DNAJC3: variants seen among roughly 807,000 people sequenced by gnomAD.
The protein encoded by DNAJC3 is DnaJ heat shock protein family (Hsp40) member C3.
In DNAJC3, 38 loss-of-function variants were observed where a neutral mutation model predicts 68.6. The ratio of observed to expected loss-of-function variants is 0.55; its 90% CI spans 0.43 to 0.73. The LOEUF is 0.73. Among genes scored for constraint, DNAJC3 ranks in the 30% least tolerant of loss-of-function variants. The probability of loss-of-function intolerance (pLI) is 0.00; values close to 1 mark genes in which losing one functional copy is unlikely to be tolerated. For missense variants in DNAJC3, 526 were observed against 591.9 expected, an observed-to-expected ratio of 0.89 and a Z score of 1.16; for synonymous variants, 203 against 204.0, an observed-to-expected ratio of 1.00 and a Z score of 0.04.
chr13:95,680,974 A>G (rs1879894949), intron 1 of DNAJC3, among the ~76,000 whole-genome samples: 1 of 152,226 alleles, frequency 6.6e-6, no homozygotes, highest in African/African-American at 2.4e-5. Flanking sequence ...TGGAATATGG[A>G]GAAGACTCAT....
At chr13:95,738,635 A>T (rs56804437) in intron 4 of DNAJC3, among the ~76,000 whole-genome samples, 13,691 of 152,108 alleles carry the variant, frequency 0.09, 903 homozygotes, top group African/African-American at 0.19. Context: ...ATCAGAGACA[A>T]GGATTGCAAC....
chr13:95,780,931 A>C (rs1214910460), intron 9 of DNAJC3, among the ~76,000 whole-genome samples: 1 of 152,092 alleles, frequency 6.6e-6, no homozygotes, highest in Non-Finnish European at 1.5e-5. Flanking sequence ...CTTGCTAATG[A>C]ATTGGTAGGG....
Position 95,787,122 on chromosome 13 carries a change from A to G in DNAJC3, c.1324A>G (p.Ile442Val), listed in dbSNP as rs1883625265. 1.2e-6 allele frequency: 2 copies of G among 1,613,328 alleles called. No individual in the cohort carries two copies. Among genetic ancestry groups the G allele is most frequent in the Non-Finnish European group, 1.7e-6 (2 of 1,179,866 alleles). ...AAAAGCTGAGAAAAAGTTCATTGAT[A>G]TAGCAGCTGCTAAAGAAGTCCTCTC... is the stretch of plus-strand genomic sequence containing the variant. ...KKKAEKKFID[I>V]AAAKEVLSDP... Residue 442 changes from isoleucine (I) to valine (V), a missense_variant, in exon 11 of 12, where the codon ATA (isoleucine) becomes GTA (valine). Physicochemically the swap from Ile to Val is conservative, Grantham distance 29. Coordinates refer to ENST00000602402, the MANE Select transcript of DNAJC3 (RefSeq NM_006260.5).
intron 1 of DNAJC3, among the ~76,000 whole-genome samples, chr13:95,682,725 T>C (rs1189962186): frequency 6.6e-6 from 1 of 152,196 alleles, no homozygotes; most frequent in Non-Finnish European, 1.5e-5. Context: ...GAATAAAAAT[T>C]ACCTGTGGCT....
At chr13:95,737,754 T>G (rs1881976165) in intron 4 of DNAJC3, among the ~76,000 whole-genome samples, 1 of 148,760 alleles carries the variant, frequency 6.7e-6, no homozygotes, top group African/African-American at 2.5e-5. Flanking sequence ...TCAATTTTGT[T>G]GATCCTTTCA....
At chr13:95,734,268 A>G (rs1312823425) in intron 4 of DNAJC3, among the ~76,000 whole-genome samples, 1 of 152,162 alleles carries the variant, frequency 6.6e-6, no homozygotes, top group Non-Finnish European at 1.5e-5. Flanking sequence ...TTTCTCCTTC[A>G]TTTATGAAGG....
At chr13:95,712,949 C>T (rs550928393) in intron 2 of DNAJC3, among the ~76,000 whole-genome samples, 2 of 152,180 alleles carry the variant, frequency 1.3e-5, no homozygotes, top group East Asian at 3.9e-4. Context: ...ATGCTGTTCT[C>T]ATGAAAGTGA....
chr13:95,777,426 T>A (rs766014095), intron 9 of DNAJC3, among the ~76,000 whole-genome samples: 20 of 152,252 alleles, frequency 1.3e-4, no homozygotes, highest in Non-Finnish European at 1.6e-4. Context: ...TTTCTTAATC[T>A]GTTTTGGTCT....
At chr13:95,758,717 TAATGAC>T (rs1882738053) in intron 5 of DNAJC3, among the ~76,000 whole-genome samples, 1 of 152,318 alleles carries the variant, frequency 6.6e-6, no homozygotes, top group African/African-American at 2.4e-5. Flanking sequence ...CTGAAGGATT[TAATGAC>T]AACTGATTTC....
chr13:95,705,121 G>A (rs1345590018), intron 1 of DNAJC3, among the ~76,000 whole-genome samples: 1 of 152,012 alleles, frequency 6.6e-6, no homozygotes, highest in Non-Finnish European at 1.5e-5. Flanking sequence ...CAAAGTGCTG[G>A]GATTACAGGC....
chr13:95,758,271 T>C (rs1025401994), intron 5 of DNAJC3, among the ~76,000 whole-genome samples: 1 of 151,952 alleles, frequency 6.6e-6, no homozygotes, highest in Non-Finnish European at 1.5e-5. Flanking sequence ...CAAGAATTTG[T>C]CGCTGCAGTG....
chr13:95,740,607 A>G (rs1406612593), intron 4 of DNAJC3, among the ~76,000 whole-genome samples: 3 of 151,968 alleles, frequency 2.0e-5, no homozygotes, highest in Admixed American at 6.6e-5. Flanking sequence ...TCTTTGACTC[A>G]GAAAGGGAAC....
At chr13:95,709,627 A>AG (rs1880884236) in intron 2 of DNAJC3, among the ~76,000 whole-genome samples, 7 of 136,098 alleles carry the variant, frequency 5.1e-5, no homozygotes, top group Admixed American at 1.4e-4. Context: ...TTGGCTTCTG[A>AG]CTTTTTTTTT....
chr13:95,764,353 C>G (rs2139678295), intron 9 of DNAJC3, among the ~76,000 whole-genome samples: 1 of 104,886 alleles, frequency 9.5e-6, no homozygotes, highest in South Asian at 3.5e-4. Context: ...CATATTCTCT[C>G]TCTCTCTCTC....
intron 9 of DNAJC3, among the ~76,000 whole-genome samples, chr13:95,780,652 A>G (rs1883423753): frequency 6.7e-6 from 1 of 148,202 alleles, no homozygotes; most frequent in South Asian, 2.1e-4. Context: ...CTTTTGTGTG[A>G]TATGTTTCTT....
At chr13:95,681,272 G>C (rs73550511) in intron 1 of DNAJC3, among the ~76,000 whole-genome samples, 2,605 of 152,286 alleles carry the variant, frequency 0.017, 80 homozygotes, top group African/African-American at 0.06. Context: ...TTGGCCAACT[G>C]TTTTTATACC....
At position 95,735,588 on chromosome 13, in the gene DNAJC3, T is replaced by A. The variant is rs1005549830; in HGVS notation, c.393+10336T>A. Reference sequence around the variant, plus strand: ...GATGGCCAGTGATGATGAGCATTTTTTCATGTGTTTTTTGGCCGCATAAAT... The same window carrying A: ...GATGGCCAGTGATGATGAGCATTTTATCATGTGTTTTTTGGCCGCATAAAT... On this transcript the variant is annotated intron_variant, in intron 4 of 11. Transcript: ENST00000602402. 3.7e-4 allele frequency among the ~76,000 whole-genome samples: 56 copies of A among 151,426 alleles called. 1 individual carries two copies. Among genetic ancestry groups the A allele is most frequent in the African/African-American group, 1.3e-3 (52 of 40,864 alleles).
chr13:95,757,705 A>G lies in DNAJC3; in HGVS notation c.455A>G (p.Asp152Gly). 6.3e-7 allele frequency: 1 copy of G among 1,586,674 alleles called. No individual in the cohort carries two copies. The highest frequency in any genetic ancestry group is 8.6e-7 in the Non-Finnish European group (1 of 1,158,290). ...GCACAGTCTCAACTTATAAAATCTG[A>G]TGAAATGCAGCGTTTGCGTTCACAA... ...KEAQSQLIKSDEMQRLRSQAL... is the reference protein window; with the variant it reads ...KEAQSQLIKSGEMQRLRSQAL... Residue 152 changes from aspartate (D) to glycine (G), a missense_variant, in exon 5 of 12, where the codon GAT becomes GGT. Physicochemically the swap from Asp to Gly is moderately conservative, Grantham distance 94. Coordinates refer to ENST00000602402, the MANE Select transcript of DNAJC3 (RefSeq NM_006260.5).
In DNAJC3 at chr13:95,763,668, G is replaced by A. The variant is rs1882888645; in HGVS notation, c.874G>A (p.Glu292Lys). The change falls in exon 8 of 12, where the codon GAA (glutamate) becomes AAA (lysine). Residue 292 changes from glutamate (E) to lysine (K), a missense_variant. Transcript: ENST00000602402. ...GRYTDATSKY[E>K]SVMKTEPSIA... is the part of the protein sequence containing the mutation. The stretch of plus-strand genomic sequence containing the variant: ...ATACACAGATGCTACCAGCAAATAT[G>A]AATCTGTCATGAAAACAGAGCCAAG... 1 of 1,613,874 alleles carries A rather than the reference G, an allele frequency of 6.2e-7. No individual in the cohort carries two copies. The highest frequency in any genetic ancestry group is 8.5e-7 in the Non-Finnish European group (1 of 1,179,844).
Sources: gnomAD v4.1 joint callset for allele counts (sites outside exome capture counted in the v4.1 genomes callset) on GRCh38, gnomAD v4.1.1 for gene constraint, MANE v1.5 for transcripts, NCBI Gene and HGNC (gene_info 2026-07-23, HGNC 2026-07-21) for gene names.